The following RYR2 variants were observed in gnomAD, a reference collection of about 807,000 sequenced individuals.
RYR2 encodes ryanodine receptor 2.
A neutral mutation model predicts 601.1 loss-of-function variants in RYR2; 227 were observed. The observed-to-expected ratio is 0.38, with a 90% CI of 0.34 to 0.42. RYR2 has a LOEUF of 0.42. Among genes scored for constraint, RYR2 ranks in the 10% least tolerant of loss-of-function variants. The pLI is 1.00. For missense variants in RYR2, 4,646 were observed against 6,156.5 expected (o/e 0.75, Z 8.21); for synonymous variants, 2,223 against 2,175.1 (o/e 1.02, Z -0.61).
At chr1:237,380,544 T>G (rs535511641) in intron 8 of RYR2, among the ~76,000 whole-genome samples, 16 of 150,318 alleles carry the variant, frequency 1.1e-4, no homozygotes, top group African/African-American at 3.9e-4. Context: ...TGTTACGGGA[T>G]TAAATGCTGG....
chr1:237,080,855 C>A (rs1665529767), intron 1 of RYR2, among the ~76,000 whole-genome samples: 1 of 90,112 alleles, frequency 1.1e-5, no homozygotes, highest in Non-Finnish European at 2.3e-5. Context: ...GCACTATTCA[C>A]AATAGCAAAG....
At chr1:237,392,031 A>C (rs2149872859) in intron 10 of RYR2, among the ~76,000 whole-genome samples, 1 of 152,286 alleles carries the variant, frequency 6.6e-6, no homozygotes, top group South Asian at 2.1e-4. Context: ...TGTCTAAACA[A>C]CAACAAAAAT....
At chr1:237,129,396 G>GA (rs1671906872) in intron 1 of RYR2, among the ~76,000 whole-genome samples, 1 of 152,208 alleles carries the variant, frequency 6.6e-6, no homozygotes, top group Non-Finnish European at 1.5e-5. Flanking sequence ...ATAATATGAT[G>GA]AAGAATTACT....
intron 3 of RYR2, among the ~76,000 whole-genome samples, chr1:237,338,050 C>T (rs1165771975): frequency 6.6e-6 from 1 of 152,122 alleles, no homozygotes; most frequent in Non-Finnish European, 1.5e-5. Flanking sequence ...CATCCTCCAC[C>T]CTCAAAGCCA....
At chr1:237,504,949 A>G (rs1302777275) in intron 22 of RYR2, among the ~76,000 whole-genome samples, 2 of 152,212 alleles carry the variant, frequency 1.3e-5, no homozygotes, top group African/African-American at 4.8e-5. Context: ...CACTCCTATG[A>G]GACTCTAAGG....
At chr1:237,428,183 G>A (rs559174137) in intron 12 of RYR2, among the ~76,000 whole-genome samples, 1 of 152,306 alleles carries the variant, frequency 6.6e-6, no homozygotes, top group Admixed American at 6.5e-5. Context: ...CATTGTGGAC[G>A]ACAGTGTGGT....
chr1:237,364,136 G>A (rs544603757), intron 4 of RYR2, among the ~76,000 whole-genome samples: 93 of 152,172 alleles, frequency 6.1e-4, no homozygotes, highest in African/African-American at 2.1e-3. Context: ...AGAAACTAAC[G>A]TCAAAACATT....
At chr1:237,469,225 C>G (rs1660416752) in intron 17 of RYR2, 38 bp downstream of exon 17, 1 of 921,670 alleles carries the variant, frequency 1.1e-6, no homozygotes, top group Non-Finnish European at 1.6e-6. Context: ...TGATAGATCA[C>G]TCCTATTTTT....
chr1:237,796,240 G>A (rs890136810), intron 96 of RYR2, among the ~76,000 whole-genome samples: 3 of 151,918 alleles, frequency 2.0e-5, no homozygotes, highest in Non-Finnish European at 4.4e-5. Context: ...ATTATTTAAT[G>A]GAATAAGGAA....
chr1:237,618,962 G>T (rs1258248280), intron 38 of RYR2, among the ~76,000 whole-genome samples: 3 of 152,038 alleles, frequency 2.0e-5, no homozygotes, highest in Admixed American at 2.0e-4. Context: ...ACAGTAACAG[G>T]GTCCCTTCCC....
intron 23 of RYR2, 88 bp downstream of exon 23, chr1:237,506,902 A>G: frequency 9.4e-7 from 1 of 1,068,368 alleles, no homozygotes; most frequent in East Asian, 2.6e-5. Flanking sequence ...CTATGGGGTG[A>G]CATCAATCAG....
intron 1 of RYR2, among the ~76,000 whole-genome samples, chr1:237,261,731 A>G (rs1688548261): frequency 6.6e-6 from 1 of 152,202 alleles, no homozygotes; most frequent in Admixed American, 6.5e-5. Context: ...CCCTGTCTCC[A>G]CATCGTCATT....
intron 80 of RYR2, among the ~76,000 whole-genome samples, chr1:237,743,395 G>C (rs1398334371): frequency 6.6e-6 from 1 of 152,168 alleles, no homozygotes; most frequent in East Asian, 1.9e-4. Context: ...ATTAATTTCT[G>C]TATGATTTCT....
chr1:237,383,635 T>C (rs1422542908), intron 8 of RYR2, among the ~76,000 whole-genome samples: 5 of 152,044 alleles, frequency 3.3e-5, no homozygotes, highest in Admixed American at 3.3e-4. Context: ...TTCACCGTGT[T>C]GGCCAGGATG....
At chr1:237,261,980 G>T (rs1013453341) in intron 1 of RYR2, among the ~76,000 whole-genome samples, 5 of 151,970 alleles carry the variant, frequency 3.3e-5, no homozygotes, top group Non-Finnish European at 7.4e-5. Context: ...TGAGTTCGGG[G>T]ATCTTTTGTT....
rs369666849 is a variant in RYR2 at position 237,133,881 on chromosome 1, C to T, written c.48+91312C>T. ...TGGAGGTTGCAGTGAGCCGAGATCA[C>T]GTCATTGCACTCCAGCCTGGGTGAC... is the stretch of plus-strand genomic sequence containing the variant. On this transcript the variant is annotated intron_variant, in intron 1 of 104. Coordinates refer to ENST00000366574, the MANE Select transcript of RYR2 (RefSeq NM_001035.3). 4.4e-3 allele frequency among the ~76,000 whole-genome samples: 572 copies of T among 128,772 alleles called. 5 individuals carry two copies. The highest frequency in any genetic ancestry group is 0.019 in the Middle Eastern group (3 of 160). 84.5% of individuals were successfully genotyped at this position (128,772 alleles called of 152,430 possible).
chr1:237,582,250 T>C (rs34542976), intron 29 of RYR2, among the ~76,000 whole-genome samples: 42,939 of 150,976 alleles, frequency 0.28, 6,607 homozygotes, highest in East Asian at 0.61. Context: ...TTACAGGCAC[T>C]GGCCACCACA....
Position 237,709,056 on chromosome 1 carries a change from A to G in RYR2, c.10100A>G (p.Tyr3367Cys). 1.2e-6 allele frequency: 2 copies of G among 1,608,066 alleles called. No homozygotes were observed. Among genetic ancestry groups the G allele is most frequent in the Non-Finnish European group, 1.7e-6 (2 of 1,175,574 alleles). ...DEFTTLARDL[Y>C]AFYPLLIRFV... ...TTCACCACACTGGCCAGAGATCTCT[A>G]TGCCTTCTACCCTCTCTTGATTAGA... The change falls in exon 69 of 105, where the codon TAT becomes TGT. Residue 3367 changes from tyrosine (Y) to cysteine (C), a missense_variant. By Grantham distance (194) the Tyr-to-Cys change is radical (BLOSUM62 -2). Transcript: ENST00000366574.
intron 1 of RYR2, among the ~76,000 whole-genome samples, chr1:237,158,262 C>T (rs1675616292): frequency 6.6e-6 from 1 of 152,080 alleles, no homozygotes; most frequent in Non-Finnish European, 1.5e-5. Flanking sequence ...AGAAGACTTT[C>T]AGCTGTGGGG....
Sources: allele counts gnomAD v4.1 joint callset (sites outside exome capture counted in the v4.1 genomes callset), GRCh38; gene constraint gnomAD v4.1.1; transcripts MANE v1.5; gene names NCBI Gene and HGNC (gene_info 2026-07-23, HGNC 2026-07-21).